NTM: variants seen among roughly 807,000 people sequenced by gnomAD.
The protein encoded by NTM is neurotrimin.
In NTM, 13 loss-of-function variants were observed where a neutral mutation model predicts 42.1. That is an observed-to-expected ratio of 0.31 (90% CI 0.20 to 0.49). NTM has a LOEUF of 0.49. NTM is among the 20% of genes least tolerant of loss of function. NTM has a pLI of 0.99. For missense variants in NTM, 373 were observed against 452.8 expected (o/e 0.82, Z 1.60); for synonymous variants, 187 against 179.2 (o/e 1.04, Z -0.35).
intron 2 of NTM, among the ~76,000 whole-genome samples, chr11:131,993,979 G>A (rs2067490495): frequency 6.8e-6 from 1 of 146,460 alleles, no homozygotes; most frequent in Admixed American, 6.8e-5. Context: ...CTCCAATCTG[G>A]GCCACAAGAT....
intron 4 of NTM, among the ~76,000 whole-genome samples, chr11:132,222,297 C>T (rs1172882319): frequency 6.6e-6 from 1 of 152,206 alleles, no homozygotes; most frequent in African/African-American, 2.4e-5. Context: ...GACACAGCCT[C>T]CCTCTGACCT....
chr11:131,723,340 A>G (rs915726375), intron 1 of NTM, among the ~76,000 whole-genome samples: 3 of 152,186 alleles, frequency 2.0e-5, no homozygotes, highest in Non-Finnish European at 2.9e-5. Flanking sequence ...AGGATCAGTT[A>G]CTACAGATCC....
chr11:131,892,208 G>T (rs1304441185), intron 1 of NTM, among the ~76,000 whole-genome samples: 3 of 151,646 alleles, frequency 2.0e-5, no homozygotes, highest in East Asian at 1.9e-4. Context: ...TTAAGGCTTG[G>T]TTCACTCATC....
At chr11:131,381,694 T>TC (rs1186210537) in intron 1 of NTM, among the ~76,000 whole-genome samples, 1 of 152,218 alleles carries the variant, frequency 6.6e-6, no homozygotes, top group Non-Finnish European at 1.5e-5. Context: ...AACAATGCCA[T>TC]CTGAACTGTG....
intron 1 of NTM, among the ~76,000 whole-genome samples, chr11:131,438,861 A>G (rs1385339478): frequency 1.3e-5 from 2 of 152,130 alleles, no homozygotes; most frequent in Non-Finnish European, 2.9e-5. Flanking sequence ...AGGAGAAGAG[A>G]CGCTCTGGTT....
intron 2 of NTM, among the ~76,000 whole-genome samples, chr11:132,137,236 T>C (rs1207585668): frequency 6.6e-6 from 1 of 152,200 alleles, no homozygotes; most frequent in Non-Finnish European, 1.5e-5. Flanking sequence ...TGACACACAC[T>C]GGCCAGTGAG....
chr11:131,771,177 T>G (rs1366102607), intron 1 of NTM: 1 of 152,228 alleles, frequency 6.6e-6, no homozygotes, highest in East Asian at 1.9e-4. Context: ...TTGGAAATTC[T>G]CAAACTCCTG....
At chr11:132,152,623 T>C (rs1033803829) in intron 3 of NTM, among the ~76,000 whole-genome samples, 3 of 152,198 alleles carry the variant, frequency 2.0e-5, no homozygotes, top group African/African-American at 7.2e-5. Flanking sequence ...TTACCTGCAA[T>C]TGATGTACAC....
intron 1 of NTM, among the ~76,000 whole-genome samples, chr11:131,808,856 C>T (rs932434245): frequency 7.2e-5 from 11 of 152,298 alleles, no homozygotes; most frequent in African/African-American, 1.9e-4. Context: ...CAGAGGCTGG[C>T]GGGACAAAAG....
At chr11:132,121,698 A>T (rs1282171530) in intron 2 of NTM, among the ~76,000 whole-genome samples, 1 of 152,038 alleles carries the variant, frequency 6.6e-6, no homozygotes, top group African/African-American at 2.4e-5. Flanking sequence ...GTGTCCCTCG[A>T]TTCCAATGGG....
At chr11:131,603,922 T>G (rs756889212) in intron 1 of NTM, among the ~76,000 whole-genome samples, 6 of 116,752 alleles carry the variant, frequency 5.1e-5, no homozygotes, top group East Asian at 2.5e-4. Flanking sequence ...ACATTTTGTT[T>G]ATCCATTCAT....
intron 1 of NTM, among the ~76,000 whole-genome samples, chr11:131,694,017 A>G (rs1436092708): frequency 1.3e-5 from 2 of 152,128 alleles, no homozygotes; most frequent in African/African-American, 2.4e-5. Context: ...CTCTCACACT[A>G]TTCTTGGATG....
chr11:132,295,896 G>A (rs1469071544), intron 4 of NTM, among the ~76,000 whole-genome samples: 1 of 152,102 alleles, frequency 6.6e-6, no homozygotes, highest in African/African-American at 2.4e-5. Flanking sequence ...CTCATAAAGA[G>A]GATATTGTAA....
chr11:131,904,844 G>A (rs1331574868), intron 1 of NTM, among the ~76,000 whole-genome samples: 2 of 152,194 alleles, frequency 1.3e-5, no homozygotes, highest in Admixed American at 1.3e-4. Flanking sequence ...TGACAGTGGG[G>A]TGGGAGCTGG....
chr11:131,399,792 G>A (rs1336046652), intron 1 of NTM, among the ~76,000 whole-genome samples: 2 of 152,136 alleles, frequency 1.3e-5, no homozygotes, highest in African/African-American at 4.8e-5. Flanking sequence ...CTGACTGGCT[G>A]GCTTTCCAAG....
chr11:131,763,709 CTTTT>C lies in NTM; in HGVS notation c.83-147832_83-147829del, dbSNP rs557522093. On this transcript the variant is annotated intron_variant, in intron 1 of 8. Transcript: ENST00000683400. ...CTTATCCACAGGCCCATCTCTCTCT[CTTTT>C]TTTTTTTTTTTTTTTTTTTTTTGGC... Among the ~76,000 whole-genome samples, 94 of 71,380 alleles carry C rather than the reference CTTTT, an allele frequency of 1.3e-3. 4 individuals carry two copies. The highest frequency in any genetic ancestry group is 3.0e-3 in the Admixed American group (16 of 5,348). 46.8% of individuals were successfully genotyped at this position (71,380 alleles called of 152,430 possible).
At chr11:131,859,678 ACACT>A (rs2046423844) in intron 1 of NTM, among the ~76,000 whole-genome samples, 1 of 152,152 alleles carries the variant, frequency 6.6e-6, no homozygotes, top group Admixed American at 6.5e-5. Context: ...AATAATAATA[ACACT>A]CATTCTCTAG....
At chr11:131,507,845 T>A (rs2047690175) in intron 1 of NTM, among the ~76,000 whole-genome samples, 1 of 151,564 alleles carries the variant, frequency 6.6e-6, no homozygotes, top group Non-Finnish European at 1.5e-5. Context: ...CACTCATGAT[T>A]TGGCTCTCTG....
At chr11:131,413,763 C>T (rs1175866186) in intron 1 of NTM, among the ~76,000 whole-genome samples, 3 of 152,142 alleles carry the variant, frequency 2.0e-5, no homozygotes, top group East Asian at 3.8e-4. Context: ...GTGTGGGCAG[C>T]AGGTTCCTGG....
Sources: gnomAD v4.1 joint callset for allele counts (sites outside exome capture counted in the v4.1 genomes callset) on GRCh38, gnomAD v4.1.1 for gene constraint, MANE v1.5 for transcripts, NCBI Gene and HGNC (gene_info 2026-07-23, HGNC 2026-07-21) for gene names.